Variants in UGGT2 observed in about 807,000 individuals in gnomAD.
UGGT2 encodes the protein UDP-glucose glycoprotein glucosyltransferase 2.
UGGT2 carries 180 observed loss-of-function variants against 192.1 expected under a neutral mutation model. The observed-to-expected ratio is 0.94, with a 90% confidence interval of 0.83 to 1.06. The LOEUF is 1.06. UGGT2 is among the 50% of genes least tolerant of loss of function. UGGT2 has a pLI of 0.00. For missense variants in UGGT2, 1,849 were observed against 1,795.7 expected, an observed-to-expected ratio of 1.03 and a Z score of -0.54; for synonymous variants, 580 against 591.0, an observed-to-expected ratio of 0.98 and a Z score of 0.27.
At chr13:95,855,724 T>C (rs1400201553) in intron 34 of UGGT2, among the ~76,000 whole-genome samples, 1 of 152,064 alleles carries the variant, frequency 6.6e-6, no homozygotes, top group East Asian at 1.9e-4. Flanking sequence ...TGATGAGAAT[T>C]TGGTTATTGG....
chr13:95,899,469 G>A (rs2048041375), intron 22 of UGGT2, among the ~76,000 whole-genome samples: 1 of 151,672 alleles, frequency 6.6e-6, no homozygotes, highest in African/African-American at 2.4e-5. Flanking sequence ...TCAATTTTAA[G>A]GAAAGTCAGG....
At chr13:95,840,074 T>C (rs1036689965) in intron 36 of UGGT2, among the ~76,000 whole-genome samples, 3 of 151,950 alleles carry the variant, frequency 2.0e-5, no homozygotes, top group Non-Finnish European at 4.4e-5. Context: ...AAATGTACAA[T>C]GTAAAACCAT....
At chr13:96,015,019 C>A (rs1191045105) in intron 4 of UGGT2, among the ~76,000 whole-genome samples, 3 of 152,046 alleles carry the variant, frequency 2.0e-5, no homozygotes, top group Non-Finnish European at 4.4e-5. Context: ...TGGCTCAGGC[C>A]TGAAATCCCA....
intron 12 of UGGT2, among the ~76,000 whole-genome samples, chr13:95,962,577 C>G (rs1479418115): frequency 6.6e-6 from 1 of 151,998 alleles, no homozygotes; most frequent in African/African-American, 2.4e-5. Context: ...AAAGAAGAGT[C>G]CAGGACTAGA....
At chr13:95,965,987 T>G (rs964446660) in intron 12 of UGGT2, among the ~76,000 whole-genome samples, 1 of 152,090 alleles carries the variant, frequency 6.6e-6, no homozygotes, top group African/African-American at 2.4e-5. Flanking sequence ...ACTATGGAGA[T>G]TCCTCAAAAA....
chr13:95,959,283 G>A (rs2050312948), intron 12 of UGGT2, among the ~76,000 whole-genome samples: 1 of 152,158 alleles, frequency 6.6e-6, no homozygotes, highest in Admixed American at 6.5e-5. Flanking sequence ...CATAGGATGA[G>A]CAAAGCATGC....
intron 38 of UGGT2, among the ~76,000 whole-genome samples, chr13:95,820,656 G>A (rs1885416610): frequency 6.6e-6 from 1 of 151,756 alleles, no homozygotes; most frequent in Non-Finnish European, 1.5e-5. Flanking sequence ...TCGGTTACTT[G>A]GATGAATTCC....
At chr13:96,017,521 A>G (rs918160785) in intron 4 of UGGT2, among the ~76,000 whole-genome samples, 1 of 152,222 alleles carries the variant, frequency 6.6e-6, no homozygotes, top group Admixed American at 6.5e-5. Flanking sequence ...TCTTTTACTT[A>G]TAAATTACCC....
At chr13:95,863,461 A>G (rs1237746252) in intron 31 of UGGT2, 168 bp downstream of exon 31, 1 of 569,930 alleles carries the variant, frequency 1.8e-6, no homozygotes, top group East Asian at 2.8e-5. Context: ...TCTGTCTTAT[A>G]GCTCTAGTTT....
intron 12 of UGGT2, among the ~76,000 whole-genome samples, chr13:95,969,744 G>A (rs2050708272): frequency 6.6e-6 from 1 of 152,164 alleles, no homozygotes; most frequent in Non-Finnish European, 1.5e-5. Flanking sequence ...ACCTTTGGAG[G>A]CCGCTGCAAA....
At position 95,877,809 on chromosome 13, in the gene UGGT2, CAGTAGTA is replaced by C; in HGVS notation, c.3269_3275del (p.Leu1090TrpfsTer9). ...TCACTTTATCAAAGCATTGTCCTTC[CAGTAGTA>C]AGTATTCTAGTTCATATTCTGCTGT... On this transcript the variant is annotated frameshift_variant, in exon 28 of 39. Coordinates refer to ENST00000376747, the MANE Select transcript of UGGT2 (RefSeq NM_020121.4). LOFTEE classifies it high-confidence loss of function. The C allele has an allele frequency of 6.2e-7, 1 of 1,613,982 alleles. No homozygotes were observed. The highest frequency in any genetic ancestry group is 8.5e-7 in the Non-Finnish European group (1 of 1,179,974).
intron 5 of UGGT2, among the ~76,000 whole-genome samples, chr13:96,011,519 A>C (rs1014003366): frequency 6.6e-6 from 1 of 152,110 alleles, no homozygotes; most frequent in Non-Finnish European, 1.5e-5. Flanking sequence ...AACTGACATT[A>C]ACAAATGGTG....
chr13:95,850,131 G>A (rs1221305649), intron 36 of UGGT2, among the ~76,000 whole-genome samples: 1 of 151,728 alleles, frequency 6.6e-6, no homozygotes, highest in African/African-American at 2.4e-5. Flanking sequence ...CTTTTCTAAT[G>A]GAAGTTCTTA....
At chr13:96,033,139 G>C (rs1372206995) in intron 1 of UGGT2, among the ~76,000 whole-genome samples, 1 of 152,216 alleles carries the variant, frequency 6.6e-6, no homozygotes, top group Non-Finnish European at 1.5e-5. Context: ...AAGGAGATCA[G>C]AGAGGACACA....
chr13:95,994,798 GC>G (rs2051566856), intron 7 of UGGT2, among the ~76,000 whole-genome samples: 1 of 151,946 alleles, frequency 6.6e-6, no homozygotes, highest in African/African-American at 2.4e-5. Flanking sequence ...ATCAAAAAAT[GC>G]TACAAGGCTA....
chr13:95,915,472 T>A (rs1235044854), intron 20 of UGGT2, among the ~76,000 whole-genome samples: 1 of 152,192 alleles, frequency 6.6e-6, no homozygotes, highest in East Asian at 1.9e-4. Context: ...AACTAATATA[T>A]CCCCAGAAGG....
intron 37 of UGGT2, among the ~76,000 whole-genome samples, chr13:95,835,999 G>C (rs1469804575): frequency 6.6e-6 from 1 of 152,168 alleles, no homozygotes; most frequent in African/African-American, 2.4e-5. Flanking sequence ...GACATGTCAA[G>C]ATGATAGCTA....
intron 19 of UGGT2, 99 bp from the exon 20 acceptor site, chr13:95,925,873 A>G (rs1182118159): frequency 1.4e-6 from 1 of 739,862 alleles, no homozygotes; most frequent in East Asian, 3.0e-5. Context: ...AAAAATTAAA[A>G]TAATATTTCT....
chr13:96,014,423 T>G (rs2052263061), intron 4 of UGGT2, among the ~76,000 whole-genome samples: 1 of 152,216 alleles, frequency 6.6e-6, no homozygotes, highest in Non-Finnish European at 1.5e-5. Context: ...CTTAACTACT[T>G]ACTGACTCAA....
Sources: allele counts gnomAD v4.1 joint callset (sites outside exome capture counted in the v4.1 genomes callset), GRCh38; gene constraint gnomAD v4.1.1; transcripts MANE v1.5; gene names NCBI Gene and HGNC (gene_info 2026-07-23, HGNC 2026-07-21).